Variants in CPS1 observed in about 807,000 individuals in gnomAD.
CPS1 encodes carbamoyl-phosphate synthase 1, also known as carbamoyl-phosphate synthase [ammonia], mitochondrial.
CPS1 carries 109 observed loss-of-function variants against 174.6 expected under a neutral mutation model. The observed-to-expected ratio is 0.62, with a 90% CI of 0.53 to 0.73. The LOEUF is 0.73. CPS1 is among the 30% of genes least tolerant of loss of function. CPS1 has a pLI of 0.00. For missense variants in CPS1, 1,689 were observed against 1,821.9 expected (o/e 0.93, Z 1.33); for synonymous variants, 637 against 632.0 (o/e 1.01, Z -0.12).
chr2:210,554,205 A>ATG (rs1292590208), upstream of CPS1, among the ~76,000 whole-genome samples: 6 of 135,802 alleles, frequency 4.4e-5, no homozygotes, highest in Admixed American at 7.5e-5. Flanking sequence ...ATATATATGT[A>ATG]TGTATATATA....
chr2:210,652,818 T>C (rs977103163), intron 28 of CPS1, among the ~76,000 whole-genome samples: 6 of 152,012 alleles, frequency 3.9e-5, no homozygotes, highest in African/African-American at 1.5e-4. Context: ...AATGGAAGAT[T>C]TGAGAATGAA....
chr2:210,525,537 G>A (rs1404213814), intron 1 of CPS1, among the ~76,000 whole-genome samples: 1 of 151,670 alleles, frequency 6.6e-6, no homozygotes, highest in Non-Finnish European at 1.5e-5. Flanking sequence ...GCTTCTGCTT[G>A]ATGATGACTC....
At chr2:210,559,017 A>G (rs1697013747) in intron 1 of CPS1, among the ~76,000 whole-genome samples, 1 of 152,114 alleles carries the variant, frequency 6.6e-6, no homozygotes, top group Non-Finnish European at 1.5e-5. Flanking sequence ...ATTCCATAGA[A>G]CAGCCCAAGG....
chr2:210,515,008 G>T (rs750406037), intron 1 of CPS1, among the ~76,000 whole-genome samples: 3 of 151,462 alleles, frequency 2.0e-5, no homozygotes, highest in Non-Finnish European at 4.4e-5. Context: ...TTATTGATAT[G>T]TGTATGTTGC....
At chr2:210,589,636 A>T (rs918564782) in intron 7 of CPS1, among the ~76,000 whole-genome samples, 2 of 151,986 alleles carry the variant, frequency 1.3e-5, no homozygotes, top group African/African-American at 4.8e-5. Flanking sequence ...TTTCAGGATC[A>T]AAACTTTTAA....
chr2:210,675,714 CA>C lies in CPS1; in HGVS notation c.4162-13del. 1.5e-6 allele frequency: 2 copies of C among 1,313,700 alleles called. No homozygotes were observed. Among genetic ancestry groups the C allele is most frequent in the Non-Finnish European group, 2.2e-6 (2 of 905,782 alleles). 81.4% of individuals were successfully genotyped at this position (1,313,700 alleles called of 1,614,324 possible). A position where few individuals can be genotyped will look rare whatever the true frequency, so the allele number is the denominator to read the frequency against. ...ACTGTGATACGGTAATTGATTTTTT[CA>C]TTTTAAATGCAGCTGTTTGCCACGG... is the stretch of plus-strand genomic sequence containing the variant. On this transcript the variant is annotated splice_polypyrimidine_tract_variant and intron_variant, in intron 35 of 37. Coordinates refer to ENST00000233072, the MANE Select transcript of CPS1 (RefSeq NM_001875.5).
chr2:210,555,668 C>A, upstream of CPS1: 1 of 455,506 alleles, frequency 2.2e-6, no homozygotes, highest in Non-Finnish European at 4.4e-6. Context: ...GAGTCTATTG[C>A]CTTTATTCCT....
At chr2:210,624,081 A>G (rs1699622448) in intron 21 of CPS1, among the ~76,000 whole-genome samples, 1 of 152,154 alleles carries the variant, frequency 6.6e-6, no homozygotes, top group Non-Finnish European at 1.5e-5. Context: ...ATACTTTACT[A>G]TGACATGTTT....
At chr2:210,641,062 T>C (rs1700208727) in intron 24 of CPS1, among the ~76,000 whole-genome samples, 2 of 152,184 alleles carry the variant, frequency 1.3e-5, no homozygotes, top group African/African-American at 4.8e-5. Flanking sequence ...GAAGGAATGC[T>C]GTCTTTACAT....
intron 1 of CPS1, among the ~76,000 whole-genome samples, chr2:210,551,190 C>A (rs1045437948): frequency 1.1e-4 from 17 of 151,870 alleles, no homozygotes; most frequent in African/African-American, 4.1e-4. Context: ...TTTGGGTGCA[C>A]TTTGTGTTTG....
intron 1 of CPS1, among the ~76,000 whole-genome samples, chr2:210,568,815 A>G (rs1045897580): frequency 2.0e-5 from 3 of 152,166 alleles, no homozygotes; most frequent in African/African-American, 4.8e-5. Context: ...AGTTCCACCA[A>G]TAATAAAACA....
chr2:210,554,260 T>C (rs1414194358), upstream of CPS1, among the ~76,000 whole-genome samples: 1 of 148,852 alleles, frequency 6.7e-6, no homozygotes, highest in Non-Finnish European at 1.5e-5. Flanking sequence ...CACACACATA[T>C]ATATATGTAT....
At chr2:210,675,163 TA>T (rs759380094) in intron 35 of CPS1, among the ~76,000 whole-genome samples, 3 of 152,172 alleles carry the variant, frequency 2.0e-5, no homozygotes, top group African/African-American at 4.8e-5. Context: ...ACAAATTCAA[TA>T]GAAGTTGCCA....
intron 1 of CPS1, among the ~76,000 whole-genome samples, chr2:210,536,407 G>A (rs888287432): frequency 1.4e-5 from 2 of 147,630 alleles, no homozygotes; most frequent in African/African-American, 2.5e-5. Flanking sequence ...TGCAAGCTCC[G>A]CCTCCCGGGT....
At chr2:210,616,158 G>T (rs188161821) in intron 20 of CPS1, among the ~76,000 whole-genome samples, 53 of 152,032 alleles carry the variant, frequency 3.5e-4, no homozygotes, top group Non-Finnish European at 1.0e-4. Flanking sequence ...AAAGAGGAGC[G>T]AGTCAAAACC....
At chr2:210,669,751 GTAT>G in intron 34 of CPS1, among the ~76,000 whole-genome samples, 1 of 152,232 alleles carries the variant, frequency 6.6e-6, no homozygotes, top group Middle Eastern at 3.4e-3. Flanking sequence ...TGGGTATTAA[GTAT>G]TATTAAGTCC....
chr2:210,648,299 G>A (rs1210184964), intron 26 of CPS1, among the ~76,000 whole-genome samples, 174 bp from the exon 27 acceptor site: 1 of 152,162 alleles, frequency 6.6e-6, no homozygotes, highest in East Asian at 1.9e-4. Context: ...AACAAGATTT[G>A]ATATTTAGAA....
intron 1 of CPS1, among the ~76,000 whole-genome samples, chr2:210,550,306 A>G (rs1054176706): frequency 4.6e-5 from 7 of 151,906 alleles, no homozygotes; most frequent in African/African-American, 1.7e-4. Flanking sequence ...TTCCCATCAA[A>G]TTGAATCTTA....
intron 16 of CPS1, among the ~76,000 whole-genome samples, chr2:210,604,458 T>A (rs1473576490): frequency 6.6e-6 from 1 of 151,882 alleles, no homozygotes; most frequent in Admixed American, 6.6e-5. Flanking sequence ...GTGCCGTAAA[T>A]ATGAAATTAT....
Sources: allele counts gnomAD v4.1 joint callset (sites outside exome capture counted in the v4.1 genomes callset), GRCh38; gene constraint gnomAD v4.1.1; transcripts MANE v1.5; gene names NCBI Gene and HGNC (gene_info 2026-07-23, HGNC 2026-07-21).